SCFD2: variants seen among roughly 807,000 people sequenced by gnomAD.
The protein encoded by SCFD2 is sec1 family domain containing 2, also known as sec1 family domain-containing protein 2.
In SCFD2, 54 loss-of-function variants were observed where a neutral mutation model predicts 58.9. That is an observed-to-expected ratio of 0.92 (90% confidence interval 0.74 to 1.15). The LOEUF is 1.15. Among genes scored for constraint, SCFD2 ranks in the 50% most tolerant of loss-of-function variants. SCFD2 has a pLI of 0.00. For missense variants in SCFD2, 805 were observed against 836.6 expected (o/e 0.96, Z 0.47); for synonymous variants, 321 against 335.9 (o/e 0.96, Z 0.49).
At chr4:52,892,145 A>T (rs1718892544) in intron 7 of SCFD2, among the ~76,000 whole-genome samples, 1 of 152,204 alleles carries the variant, frequency 6.6e-6, no homozygotes, top group South Asian at 2.1e-4. Context: ...CTGCTTCCCA[A>T]TAGAAACAAT....
intron 5 of SCFD2, among the ~76,000 whole-genome samples, chr4:53,060,842 A>G (rs183997619): frequency 6.6e-6 from 1 of 152,330 alleles, no homozygotes; most frequent in East Asian, 1.9e-4. Flanking sequence ...ATCCATATCA[A>G]CAAAAGCTTT....
chr4:53,297,726 G>C (rs1242157038), intron 3 of SCFD2, among the ~76,000 whole-genome samples: 2 of 152,162 alleles, frequency 1.3e-5, no homozygotes, highest in Non-Finnish European at 1.5e-5. Context: ...TTGCCCGTTA[G>C]TTGATGCAGT....
intron 5 of SCFD2, among the ~76,000 whole-genome samples, chr4:53,129,168 T>G (rs779583465): frequency 2.0e-5 from 3 of 152,160 alleles, no homozygotes; most frequent in Non-Finnish European, 2.9e-5. Flanking sequence ...TCTGTCAGGT[T>G]GGCAACAACT....
intron 3 of SCFD2, among the ~76,000 whole-genome samples, chr4:53,277,062 G>C (rs1019063009): frequency 1.3e-5 from 2 of 151,934 alleles, no homozygotes; most frequent in African/African-American, 2.4e-5. Flanking sequence ...CACTTTTATT[G>C]ATTCATTGAT....
At chr4:53,026,486 A>G (rs1205080365) in intron 5 of SCFD2, among the ~76,000 whole-genome samples, 8 of 152,220 alleles carry the variant, frequency 5.3e-5, no homozygotes, top group Admixed American at 5.2e-4. Context: ...TGCTACAGCA[A>G]CATAGCCACA....
chr4:53,345,865 CAT>C (rs201594457), intron 2 of SCFD2, among the ~76,000 whole-genome samples: 17,291 of 152,024 alleles, frequency 0.11, 1,092 homozygotes, highest in East Asian at 0.21. Context: ...CCAAACACCA[CAT>C]GTTTTCACTC....
chr4:52,957,564 G>A (rs1437436051), intron 5 of SCFD2: 3 of 152,230 alleles, frequency 2.0e-5, no homozygotes, highest in Non-Finnish European at 2.9e-5. Context: ...GGCTCCAATA[G>A]CCATCACTCA....
chr4:52,939,287 C>T (rs184267200), intron 5 of SCFD2, among the ~76,000 whole-genome samples: 3 of 152,280 alleles, frequency 2.0e-5, no homozygotes, highest in Admixed American at 2.0e-4. Flanking sequence ...TACAGGTTAT[C>T]ACACCTAATC....
At chr4:53,059,945 C>G (rs1723456569) in intron 5 of SCFD2, among the ~76,000 whole-genome samples, 1 of 151,994 alleles carries the variant, frequency 6.6e-6, no homozygotes, top group Non-Finnish European at 1.5e-5. Flanking sequence ...CAAGTTCTTC[C>G]TTCCTTTTTA....
chr4:53,261,928 A>G (rs536006586), intron 4 of SCFD2, among the ~76,000 whole-genome samples: 1 of 152,154 alleles, frequency 6.6e-6, no homozygotes, highest in East Asian at 1.9e-4. Flanking sequence ...TATATTTAGG[A>G]TTGTGATATT....
chr4:52,996,051 C>T (rs1044431895), intron 5 of SCFD2, among the ~76,000 whole-genome samples: 1 of 152,208 alleles, frequency 6.6e-6, no homozygotes, highest in Non-Finnish European at 1.5e-5. Flanking sequence ...CTTGGTACTG[C>T]CTTTTGAGTC....
At position 53,330,349 on chromosome 4, in the gene SCFD2, G is replaced by C. The variant is rs912716115; in HGVS notation, c.1008-16586C>G. On this transcript the variant is annotated intron_variant, in intron 2 of 8. Coordinates refer to ENST00000401642, the MANE Select transcript of SCFD2 (RefSeq NM_152540.4). ...AATGTTCAGGGCAGCCAGAGAGAAA[G>C]GTCGGGTTACCCTCAAAGGGAAGCC... 1.8e-4 allele frequency among the ~76,000 whole-genome samples: 27 copies of C among 152,008 alleles called. No individual in the cohort carries two copies. The East Asian group carries it at 3.9e-3, about 22-fold the overall frequency.
chr4:53,135,651 A>C (rs1480443909), intron 5 of SCFD2, among the ~76,000 whole-genome samples: 1 of 152,082 alleles, frequency 6.6e-6, no homozygotes, highest in Non-Finnish European at 1.5e-5. Context: ...CTGAGGCAGG[A>C]GAATCGCTGG....
At chr4:53,351,715 G>C (rs1470854118) in intron 2 of SCFD2, among the ~76,000 whole-genome samples, 3 of 152,080 alleles carry the variant, frequency 2.0e-5, no homozygotes, top group East Asian at 1.9e-4. Context: ...CAAAAGTCTA[G>C]AACTTCCCAT....
At chr4:53,241,313 C>G (rs1172914777) in intron 4 of SCFD2, among the ~76,000 whole-genome samples, 1 of 152,180 alleles carries the variant, frequency 6.6e-6, no homozygotes, top group Non-Finnish European at 1.5e-5. Flanking sequence ...ATCCCCTAGG[C>G]TCAACTTGCT....
At chr4:53,053,546 T>A (rs1723243338) in intron 5 of SCFD2, among the ~76,000 whole-genome samples, 1 of 152,176 alleles carries the variant, frequency 6.6e-6, no homozygotes, top group Non-Finnish European at 1.5e-5. Context: ...TACTCCCCAA[T>A]CAGATGCCCT....
intron 5 of SCFD2, among the ~76,000 whole-genome samples, chr4:52,982,045 G>A (rs1721388186): frequency 6.6e-6 from 1 of 152,170 alleles, no homozygotes; most frequent in Admixed American, 6.6e-5. Context: ...AATGGATCAA[G>A]GATGACTCTT....
At chr4:52,924,440 A>G (rs567342211) in intron 5 of SCFD2, among the ~76,000 whole-genome samples, 2 of 152,318 alleles carry the variant, frequency 1.3e-5, no homozygotes, top group South Asian at 4.1e-4. Context: ...AAACTGCTGG[A>G]CGGAAAATGC....
intron 3 of SCFD2, among the ~76,000 whole-genome samples, chr4:53,313,363 T>C (rs1560442336): frequency 6.6e-6 from 1 of 152,204 alleles, no homozygotes; most frequent in South Asian, 2.1e-4. Context: ...CAGACCAATT[T>C]TGACAGTTCT....
Sources: allele counts gnomAD v4.1 joint callset (sites outside exome capture counted in the v4.1 genomes callset), GRCh38; gene constraint gnomAD v4.1.1; transcripts MANE v1.5; gene names NCBI Gene and HGNC (gene_info 2026-07-23, HGNC 2026-07-21).